Variants in RFFL observed in about 807,000 individuals in gnomAD.
RFFL encodes E3 ubiquitin-protein ligase rififylin.
In RFFL, 16 loss-of-function variants were observed where a neutral mutation model predicts 40.4. The ratio of observed to expected loss-of-function variants is 0.40; its 90% confidence interval spans 0.27 to 0.60. The LOEUF (loss-of-function observed/expected upper bound fraction) is 0.60, where lower values mean the gene tolerates loss of function less well. RFFL is among the 20% of genes least tolerant of loss of function. The pLI is 0.47. For missense variants in RFFL, 367 were observed against 451.7 expected (o/e 0.81, Z 1.70); for synonymous variants, 154 against 167.9 (o/e 0.92, Z 0.64).
rs2090973247 is a variant in RFFL, at chr17:35,016,379, G to A, written c.877C>T (p.Gln293Ter). 1 of 1,613,936 alleles carries A rather than the reference G, an allele frequency of 6.2e-7. No homozygotes were observed. Among genetic ancestry groups the A allele is most frequent in the Non-Finnish European group, 8.5e-7 (1 of 1,179,942 alleles). The change falls in exon 5 of 7, where the codon CAG (glutamine) becomes TAG (stop). Residue 293 changes from glutamine (Q) to a stop codon, truncating the protein, a stop_gained. Coordinates refer to ENST00000394597, the MANE Select transcript of RFFL (RefSeq NM_001017368.2). LOFTEE classifies it high-confidence loss of function. Reference protein sequence around the residue: ...TRLYKDQKGLQHLVSGAEDQN... With the variant: ...TRLYKDQKGL Reference sequence around the variant, plus strand: ...GCAGATAGCCCCTCACCCAGGTGCTGGAGTCCTTTCTGATCCTTGTATAGC... The same window carrying A: ...GCAGATAGCCCCTCACCCAGGTGCTAGAGTCCTTTCTGATCCTTGTATAGC...
rs1196544991 is a variant in RFFL, at chr17:35,007,359, CCTTTCATGTATTT to C, written c.*4596_*4608del. The C allele has an allele frequency of 3.3e-5, 5 of 152,152 alleles. No homozygotes were observed. The highest frequency in any genetic ancestry group is 7.2e-5 in the African/African-American group (3 of 41,418). The allele number at this position is 152,152 out of a possible 1,614,324, so 9.4% of individuals were successfully genotyped here. On this transcript the variant is annotated 3_prime_UTR_variant, in exon 7 of 7. Transcript: ENST00000394597. ...TCTGACTGTATATACTATTTTGTAT[CCTTTCATGTATTT>C]CTTTCATGTATTTCAATGCAGCCCT...
intron 1 of RFFL, among the ~76,000 whole-genome samples, chr17:35,046,321 T>C (rs1408594645): frequency 6.6e-6 from 1 of 152,218 alleles, no homozygotes; most frequent in Non-Finnish European, 1.5e-5. Flanking sequence ...TGGATTGGAA[T>C]GGTGCTGCAA....
chr17:35,007,208 C>T lies in RFFL; in HGVS notation c.*4760G>A, dbSNP rs1200849199. 2.6e-5 allele frequency: 4 copies of T among 152,300 alleles called. No homozygotes were observed. Among genetic ancestry groups the T allele is most frequent in the Non-Finnish European group, 4.4e-5 (3 of 68,086 alleles). 9.4% of individuals were successfully genotyped at this position (152,300 alleles called of 1,614,324 possible). A position where few individuals can be genotyped will look rare whatever the true frequency, so the allele number is the denominator to read the frequency against. On this transcript the variant is annotated 3_prime_UTR_variant, in exon 7 of 7. Transcript: ENST00000394597. ...TGGTTGCTTACACCCAGAGTGCACA[C>T]TCACAGGAAAGGGCCTCTGCTGGCT...
chr17:35,077,970 G>T (rs1195347529), intron 1 of RFFL, among the ~76,000 whole-genome samples: 1 of 152,172 alleles, frequency 6.6e-6, no homozygotes, highest in Non-Finnish European at 1.5e-5. Flanking sequence ...TGAGCCTCTT[G>T]ACTTTTCTGT....
upstream of RFFL, among the ~76,000 whole-genome samples, chr17:35,066,820 G>T (rs1264099380): frequency 1.3e-5 from 2 of 151,168 alleles, no homozygotes; most frequent in Non-Finnish European, 2.9e-5. Flanking sequence ...TCACCTTGTT[G>T]ATAATTAATG....
intron 1 of RFFL, among the ~76,000 whole-genome samples, chr17:35,082,286 C>T (rs2091406435): frequency 6.6e-6 from 1 of 152,048 alleles, no homozygotes; most frequent in Admixed American, 6.6e-5. Flanking sequence ...AAGGAGGAGA[C>T]AGGGAACAAG....
At chr17:35,014,839 C>T (rs2090964031) in intron 5 of RFFL, 76 bp from the exon 6 acceptor site, 5 of 1,403,886 alleles carry the variant, frequency 3.6e-6, no homozygotes, top group Middle Eastern at 3.5e-4. Context: ...GCCCTGACAT[C>T]ATTTCTGAAC....
intron 4 of RFFL, among the ~76,000 whole-genome samples, chr17:35,017,179 C>G (rs1304817974): frequency 6.6e-6 from 1 of 152,138 alleles, no homozygotes; most frequent in African/African-American, 2.4e-5. Flanking sequence ...TGACCTCCTT[C>G]CCTTGACAAT....
Position 35,059,640 on chromosome 17 carries a change from A to T in RFFL, c.-9+3936T>A, listed in dbSNP as rs990189408. Reference sequence around the variant, plus strand: ...ATTCAAACATTTCCCCACTTTGATGATCAAAAAATTCTTTCTCGTATTCAT... The same window carrying T: ...ATTCAAACATTTCCCCACTTTGATGTTCAAAAAATTCTTTCTCGTATTCAT... On this transcript the variant is annotated intron_variant, in intron 1 of 6. Coordinates refer to ENST00000394597, the MANE Select transcript of RFFL (RefSeq NM_001017368.2). Among the ~76,000 whole-genome samples the T allele has an allele frequency of 4.6e-5, 7 of 152,306 alleles. No homozygotes were observed. In the East Asian group the frequency reaches 1.3e-3, roughly 29 times the overall value.
chr17:35,014,649 C>A, intron 6 of RFFL, 91 bp downstream of exon 6: 1 of 1,266,810 alleles, frequency 7.9e-7, no homozygotes, highest in South Asian at 1.2e-5. Flanking sequence ...CTCAAATGCT[C>A]AGAATTCTTA....
In RFFL at chr17:35,010,075, T is replaced by C. The variant is rs961417578; in HGVS notation, c.*1893A>G. ...TTGAGGTAAGTGGCCCAGTGTTCAG[T>C]TGACTAGTTTATGCAGTTATTTCAT... On this transcript the variant is annotated 3_prime_UTR_variant, in exon 7 of 7. Transcript: ENST00000394597. 1.3e-5 allele frequency: 2 copies of C among 151,852 alleles called. No homozygotes were observed. The highest frequency in any genetic ancestry group is 4.9e-5 in the African/African-American group (2 of 40,752). The allele number at this position is 151,852 out of a possible 1,614,324, so 9.4% of individuals were successfully genotyped here.
At chr17:35,017,484 G>T in intron 4 of RFFL, 39 bp downstream of exon 4, 3 of 1,345,380 alleles carry the variant, frequency 2.2e-6, no homozygotes, top group Non-Finnish European at 3.2e-6. Context: ...ACCAGTGAAA[G>T]AGGAAAGGTG....
At chr17:35,048,739 G>A (rs1194669941) in intron 1 of RFFL, among the ~76,000 whole-genome samples, 1 of 152,050 alleles carries the variant, frequency 6.6e-6, no homozygotes, top group East Asian at 1.9e-4. Flanking sequence ...GTATGCCTCC[G>A]GCCTCCACCT....
chr17:35,078,928 C>T (rs2091390667), intron 1 of RFFL, among the ~76,000 whole-genome samples: 1 of 147,768 alleles, frequency 6.8e-6, no homozygotes, highest in Non-Finnish European at 1.5e-5. Context: ...TGCAGTGAGC[C>T]AAGATGGCAC....
At chr17:35,045,700 TAA>T (rs909483584) in intron 1 of RFFL, among the ~76,000 whole-genome samples, 12 of 150,894 alleles carry the variant, frequency 8.0e-5, no homozygotes. Context: ...GAGCGCTTTT[TAA>T]AAAAAAAGGA....
rs2091006715 is a variant in RFFL, at chr17:35,021,302, C to T, written c.591+69G>A. On this transcript the variant is annotated intron_variant, in intron 3 of 6. Coordinates refer to ENST00000394597, the MANE Select transcript of RFFL (RefSeq NM_001017368.2). The stretch of plus-strand genomic sequence containing the variant: ...TTATACCCCATTCTCACAACAAAGG[C>T]AGGAGAGGAAAATGAAAATGAGCCC... The T allele has an allele frequency of 1.2e-5, 17 of 1,437,960 alleles. No individual in the cohort carries two copies. The East Asian group carries it at 4.0e-4, about 33-fold the overall frequency. The allele number at this position is 1,437,960 out of a possible 1,614,324, so 89.1% of individuals were successfully genotyped here.
intron 3 of RFFL, among the ~76,000 whole-genome samples, chr17:35,019,663 C>G (rs1045199711): frequency 2.0e-5 from 3 of 152,066 alleles, no homozygotes; most frequent in African/African-American, 4.8e-5. Context: ...CATGAACCAC[C>G]ACGCCCAGCC....
intron 1 of RFFL, chr17:35,036,327 T>TC (rs1174102915): frequency 2.0e-5 from 3 of 151,342 alleles, no homozygotes; most frequent in African/African-American, 7.4e-5. Flanking sequence ...TTTTCTCTCT[T>TC]ATCTACAAAC....
chr17:35,080,552 TAAGAA>T (rs1347108628), intron 1 of RFFL, among the ~76,000 whole-genome samples: 1 of 152,172 alleles, frequency 6.6e-6, no homozygotes, highest in African/African-American at 2.4e-5. Flanking sequence ...ACGATTTACT[TAAGAA>T]AAGCTTTTTT....
Sources: gnomAD v4.1 joint callset for allele counts (sites outside exome capture counted in the v4.1 genomes callset) on GRCh38, gnomAD v4.1.1 for gene constraint, MANE v1.5 for transcripts, NCBI Gene and HGNC (gene_info 2026-07-23, HGNC 2026-07-21) for gene names.